The following AGBL4 variants were observed in gnomAD, a reference collection of about 807,000 sequenced individuals.
AGBL4 encodes AGBL carboxypeptidase 4.
A neutral mutation model predicts 66.4 loss-of-function variants in AGBL4; 58 were observed. That is an observed-to-expected ratio of 0.87 (90% confidence interval 0.71 to 1.09). AGBL4 has a LOEUF of 1.09. Among genes scored for constraint, AGBL4 ranks in the 50% least tolerant of loss-of-function variants. The pLI is 0.00. For synonymous variants in AGBL4, 234 were observed against 222.9 expected (o/e 1.05, Z -0.44); for missense variants, 579 against 631.0 (o/e 0.92, Z 0.88).
intron 4 of AGBL4, among the ~76,000 whole-genome samples, chr1:49,107,596 T>C (rs1030497620): frequency 3.3e-5 from 5 of 151,914 alleles, no homozygotes; most frequent in East Asian, 1.9e-4. Context: ...GGAAAGTCTG[T>C]TCTACACATA....
At chr1:49,210,704 T>C (rs950342905) in intron 4 of AGBL4, among the ~76,000 whole-genome samples, 9 of 152,054 alleles carry the variant, frequency 5.9e-5, no homozygotes, top group Admixed American at 5.2e-4. Context: ...TTTGGCTTAA[T>C]GAAAATAAAT....
intron 1 of AGBL4, among the ~76,000 whole-genome samples, chr1:49,894,684 G>A (rs1649008906): frequency 6.6e-6 from 1 of 152,028 alleles, no homozygotes; most frequent in East Asian, 1.9e-4. Flanking sequence ...GAATTAGTGA[G>A]CTCAAAGACA....
At chr1:49,462,723 T>C (rs1423146529) in intron 3 of AGBL4, among the ~76,000 whole-genome samples, 1 of 151,702 alleles carries the variant, frequency 6.6e-6, no homozygotes, top group Non-Finnish European at 1.5e-5. Context: ...GAGGAGGACA[T>C]AATGTTACTT....
At chr1:49,494,443 G>A (rs566054379) in intron 3 of AGBL4, among the ~76,000 whole-genome samples, 9 of 151,344 alleles carry the variant, frequency 5.9e-5, no homozygotes, top group East Asian at 2.0e-4. Context: ...ACCCCACAAC[G>A]TCCCCAGAGT....
chr1:48,696,477 C>A (rs1646715647), intron 6 of AGBL4, among the ~76,000 whole-genome samples: 1 of 152,092 alleles, frequency 6.6e-6, no homozygotes, highest in Admixed American at 6.5e-5. Flanking sequence ...GGAAATGAGG[C>A]CCAAGGTCAT....
At chr1:49,331,230 A>T (rs1645327045) in intron 3 of AGBL4, among the ~76,000 whole-genome samples, 1 of 151,998 alleles carries the variant, frequency 6.6e-6, no homozygotes, top group Non-Finnish European at 1.5e-5. Context: ...GCAAGGCGGG[A>T]GGTCTGCACA....
Position 49,509,704 on chromosome 1 carries a change from C to T in AGBL4, c.282+187609G>A, listed in dbSNP as rs114008481. Among the ~76,000 whole-genome samples, 208 of 152,028 alleles carry T rather than the reference C, an allele frequency of 1.4e-3. 1 individual carries two copies. The highest frequency in any genetic ancestry group is 4.7e-3 in the African/African-American group (197 of 41,526). Reference sequence around the variant, plus strand: ...AGCTTAGAATTCATAGCTAAACTGCCTTAAATTGAATCTCAATTTTTCTGC... The same window carrying T: ...AGCTTAGAATTCATAGCTAAACTGCTTTAAATTGAATCTCAATTTTTCTGC... On this transcript the variant is annotated intron_variant, in intron 3 of 13. Coordinates refer to ENST00000371839, the MANE Select transcript of AGBL4 (RefSeq NM_032785.4).
intron 3 of AGBL4, among the ~76,000 whole-genome samples, chr1:49,577,249 G>C (rs1006236287): frequency 6.6e-6 from 1 of 152,222 alleles, no homozygotes; most frequent in Admixed American, 6.5e-5. Flanking sequence ...GACTCATTTT[G>C]TGGATACCAC....
the AGBL4 span, among the ~76,000 whole-genome samples, chr1:48,525,604 A>AGG: frequency 2.0e-5 from 3 of 152,158 alleles, no homozygotes; most frequent in Non-Finnish European, 4.4e-5. Context: ...GGATTATGTC[A>AGG]GTTGAAGATT....
chr1:49,378,152 T>A (rs1430776282), intron 3 of AGBL4, among the ~76,000 whole-genome samples: 1 of 152,082 alleles, frequency 6.6e-6, no homozygotes, highest in Non-Finnish European at 1.5e-5. Flanking sequence ...AAGGCCCTTC[T>A]GAGTGTGAGG....
At chr1:49,513,116 G>C (rs184862026) in intron 3 of AGBL4, among the ~76,000 whole-genome samples, 91 of 152,088 alleles carry the variant, frequency 6.0e-4, no homozygotes, top group East Asian at 4.8e-3. Flanking sequence ...TGGCAGAACT[G>C]GAAAATGAAC....
intron 4 of AGBL4, among the ~76,000 whole-genome samples, chr1:49,131,201 T>G (rs1480944956): frequency 6.6e-6 from 1 of 152,056 alleles, no homozygotes; most frequent in Non-Finnish European, 1.5e-5. Context: ...TTTATAATGG[T>G]AGAATGTAGA....
chr1:49,783,274 T>A (rs925026155), intron 2 of AGBL4, among the ~76,000 whole-genome samples: 1 of 152,102 alleles, frequency 6.6e-6, no homozygotes, highest in Non-Finnish European at 1.5e-5. Context: ...CTTTTATCAA[T>A]CATTAACAAA....
chr1:49,826,072 A>C (rs1375270236), intron 2 of AGBL4, among the ~76,000 whole-genome samples: 1 of 152,224 alleles, frequency 6.6e-6, no homozygotes, highest in East Asian at 1.9e-4. Flanking sequence ...AAACTAATTT[A>C]CATAATATTT....
At chr1:49,419,861 G>C (rs1645505425) in intron 3 of AGBL4, among the ~76,000 whole-genome samples, 1 of 152,202 alleles carries the variant, frequency 6.6e-6, no homozygotes, top group African/African-American at 2.4e-5. Context: ...TGCTGGCTTA[G>C]GAGGGGATAG....
At chr1:50,019,086 C>A (rs1474485255) in intron 1 of AGBL4, among the ~76,000 whole-genome samples, 5 of 152,022 alleles carry the variant, frequency 3.3e-5, no homozygotes, top group African/African-American at 9.7e-5. Context: ...CTATCTCACA[C>A]CCCATTGGGG....
intron 6 of AGBL4, among the ~76,000 whole-genome samples, chr1:48,781,957 T>C (rs1645305815): frequency 6.6e-6 from 1 of 152,262 alleles, no homozygotes. Flanking sequence ...GCGCTGTGTA[T>C]ACATGATCTC....
intron 3 of AGBL4, among the ~76,000 whole-genome samples, chr1:49,498,024 T>C (rs1320065465): frequency 6.6e-6 from 1 of 152,054 alleles, no homozygotes; most frequent in Non-Finnish European, 1.5e-5. Context: ...ACCATCTATT[T>C]GTATTTTCCT....
chr1:48,778,655 TTG>T (rs1019876341), intron 6 of AGBL4, among the ~76,000 whole-genome samples: 2 of 152,126 alleles, frequency 1.3e-5, no homozygotes, highest in Non-Finnish European at 2.9e-5. Flanking sequence ...CTTGTATTCA[TTG>T]TGTGTGTGTG....
Sources: allele counts gnomAD v4.1 joint callset (sites outside exome capture counted in the v4.1 genomes callset), GRCh38; gene constraint gnomAD v4.1.1; transcripts MANE v1.5; gene names NCBI Gene and HGNC (gene_info 2026-07-23, HGNC 2026-07-21).